The following SLC24A4 variants were observed in gnomAD, a reference collection of about 807,000 sequenced individuals.
SLC24A4 encodes solute carrier family 24 member 4, also known as sodium/potassium/calcium exchanger 4.
SLC24A4 carries 53 observed loss-of-function variants against 79.0 expected under a neutral mutation model. The ratio of observed to expected loss-of-function variants is 0.67; its 90% confidence interval spans 0.54 to 0.84. The LOEUF (loss-of-function observed/expected upper bound fraction) is 0.84, where lower values mean the gene tolerates loss of function less well. Ranked by LOEUF, SLC24A4 falls within the 40% of genes least tolerant of loss-of-function variation. The pLI is 0.00. For synonymous variants in SLC24A4, 323 were observed against 323.8 expected, an observed-to-expected ratio of 1.00 and a Z score of 0.03; for missense variants, 731 against 822.0, an observed-to-expected ratio of 0.89 and a Z score of 1.35.
At chr14:92,354,013 G>C (rs1887029399) in intron 2 of SLC24A4, among the ~76,000 whole-genome samples, 1 of 152,166 alleles carries the variant, frequency 6.6e-6, no homozygotes, top group Non-Finnish European at 1.5e-5. Context: ...CTCCGGTTTT[G>C]TGTCCCTCCC....
chr14:92,483,901 G>T, intron 13 of SLC24A4: 1 of 1,284,412 alleles, frequency 7.8e-7, no homozygotes, highest in Non-Finnish European at 1.0e-6. Context: ...AGCAGGGCCA[G>T]TAAACGTTCC....
intron 12 of SLC24A4, among the ~76,000 whole-genome samples, chr14:92,473,921 GA>G (rs1475751419): frequency 3.3e-5 from 5 of 152,316 alleles, no homozygotes; most frequent in African/African-American, 1.2e-4. Flanking sequence ...CTCATCAGGG[GA>G]GCTGGGCTGG....
intron 3 of SLC24A4, among the ~76,000 whole-genome samples, chr14:92,438,812 T>C (rs990580843): frequency 2.8e-4 from 42 of 152,142 alleles, no homozygotes; most frequent in African/African-American, 1.0e-3. Flanking sequence ...GATTACATCA[T>C]TGGCCACTGG....
intron 6 of SLC24A4, 112 bp downstream of exon 6, chr14:92,442,928 T>G: frequency 1.2e-6 from 1 of 840,064 alleles, no homozygotes; most frequent in Non-Finnish European, 1.9e-6. Flanking sequence ...ACAGCTGAGC[T>G]GGATTCTGGA....
chr14:92,488,616 A>T (rs1168424953), intron 14 of SLC24A4, among the ~76,000 whole-genome samples: 7 of 99,518 alleles, frequency 7.0e-5, no homozygotes, highest in African/African-American at 2.8e-4. Flanking sequence ...ATCCTCAGAG[A>T]CCCTATTTCC....
chr14:92,462,034 A>T (rs1354681419), intron 12 of SLC24A4: 1 of 152,230 alleles, frequency 6.6e-6, no homozygotes, highest in Non-Finnish European at 1.5e-5. Flanking sequence ...GAGGAATATT[A>T]TCCTCATTTA....
intron 2 of SLC24A4, among the ~76,000 whole-genome samples, chr14:92,351,859 G>T (rs566357778): frequency 6.8e-6 from 1 of 148,078 alleles, no homozygotes; most frequent in Admixed American, 6.8e-5. Context: ...GTGAGATCTT[G>T]TCTAAAAAAG....
chr14:92,403,565 A>C (rs182567217), intron 2 of SLC24A4, among the ~76,000 whole-genome samples: 148 of 148,890 alleles, frequency 9.9e-4, no homozygotes, highest in African/African-American at 3.4e-3. Flanking sequence ...CCGAGATTGC[A>C]CCACTGCACT....
intron 2 of SLC24A4, among the ~76,000 whole-genome samples, chr14:92,406,234 T>C (rs11623229): frequency 0.31 from 47,449 of 152,222 alleles, 7,507 homozygotes; most frequent in Non-Finnish European, 0.32. Flanking sequence ...TCCCATGGCC[T>C]TGGGCAGCTC....
chr14:92,343,318 T>A (rs1886274104), intron 2 of SLC24A4, among the ~76,000 whole-genome samples: 1 of 152,212 alleles, frequency 6.6e-6, no homozygotes, highest in Non-Finnish European at 1.5e-5. Context: ...ACCTGTGTTG[T>A]AAAATTATAG....
intron 2 of SLC24A4, among the ~76,000 whole-genome samples, chr14:92,352,694 T>A (rs1886961121): frequency 6.6e-6 from 1 of 152,188 alleles, no homozygotes; most frequent in African/African-American, 2.4e-5. Flanking sequence ...GGCCCTTGTT[T>A]CTCCATCTGC....
At chr14:92,380,840 G>A (rs1383282322) in intron 2 of SLC24A4, among the ~76,000 whole-genome samples, 1 of 152,200 alleles carries the variant, frequency 6.6e-6, no homozygotes, top group Non-Finnish European at 1.5e-5. Flanking sequence ...CTGGACTCAA[G>A]GTGCTGCCGC....
At chr14:92,368,813 C>T (rs1036490965) in intron 2 of SLC24A4, among the ~76,000 whole-genome samples, 3 of 152,014 alleles carry the variant, frequency 2.0e-5, no homozygotes, top group Non-Finnish European at 4.4e-5. Flanking sequence ...CCTGCCTCAC[C>T]CAACTTTGGC....
At chr14:92,455,418 C>T (rs1324095440) in intron 11 of SLC24A4, among the ~76,000 whole-genome samples, 1 of 152,236 alleles carries the variant, frequency 6.6e-6, no homozygotes, top group Non-Finnish European at 1.5e-5. Context: ...GAATACTACA[C>T]AGCCATGAAA....
intron 2 of SLC24A4, among the ~76,000 whole-genome samples, chr14:92,406,327 G>A (rs995033828): frequency 3.3e-5 from 5 of 152,248 alleles, no homozygotes; most frequent in Middle Eastern, 3.4e-3. Context: ...CCAGGTGCAC[G>A]GTGCACACTC....
intron 14 of SLC24A4, among the ~76,000 whole-genome samples, chr14:92,487,838 C>T (rs1017910011): frequency 1.3e-5 from 2 of 152,092 alleles, no homozygotes; most frequent in Admixed American, 6.5e-5. Flanking sequence ...GGGGAGGAAC[C>T]TTCCTTGCCC....
At chr14:92,366,395 C>T (rs371817454) in intron 2 of SLC24A4, among the ~76,000 whole-genome samples, 1 of 152,158 alleles carries the variant, frequency 6.6e-6, no homozygotes, top group African/African-American at 2.4e-5. Flanking sequence ...AGCTCTGGTC[C>T]CCGGCCAGAG....
chr14:92,348,857 A>G (rs965901786), intron 2 of SLC24A4, among the ~76,000 whole-genome samples: 3 of 152,182 alleles, frequency 2.0e-5, no homozygotes, highest in African/African-American at 4.8e-5. Flanking sequence ...CCAGGCTCTC[A>G]TACATGTTGG....
chr14:92,401,213 AT>A (rs920190456), intron 2 of SLC24A4, among the ~76,000 whole-genome samples: 1 of 152,152 alleles, frequency 6.6e-6, no homozygotes, highest in African/African-American at 2.4e-5. Context: ...GTCGATAAGA[AT>A]TTTTTGCGCC....
Sources: allele counts gnomAD v4.1 joint callset (sites outside exome capture counted in the v4.1 genomes callset), GRCh38; gene constraint gnomAD v4.1.1; transcripts MANE v1.5; gene names NCBI Gene and HGNC (gene_info 2026-07-23, HGNC 2026-07-21).